Variants in ZFAT observed in about 807,000 individuals in gnomAD.
The protein encoded by ZFAT is zinc finger and AT-hook domain containing.
Under a neutral mutation model 117.7 loss-of-function variants are expected in ZFAT, and 64 were observed. The observed-to-expected ratio is 0.54, with a 90% confidence interval of 0.44 to 0.67. ZFAT has a LOEUF of 0.67. ZFAT is among the 30% of genes least tolerant of loss of function. ZFAT has a pLI of 0.00. For missense variants in ZFAT, 1,433 were observed against 1,584.5 expected (o/e 0.90, Z 1.62); for synonymous variants, 679 against 615.0 (o/e 1.10, Z -1.54).
chr8:134,808,568 A>G, the ZFAT span, among the ~76,000 whole-genome samples: 1 of 152,360 alleles, frequency 6.6e-6, no homozygotes, highest in East Asian at 1.9e-4. Flanking sequence ...CAAGAGTCAC[A>G]GGGAATGGTA....
intron 7 of ZFAT, among the ~76,000 whole-genome samples, chr8:134,590,949 C>A (rs1409586353): frequency 1.3e-5 from 2 of 152,210 alleles, no homozygotes; most frequent in Non-Finnish European, 2.9e-5. Flanking sequence ...CCTGGCGCTG[C>A]ACAGCCTGGG....
At chr8:134,812,016 C>T in the ZFAT span, among the ~76,000 whole-genome samples, 10 of 152,108 alleles carry the variant, frequency 6.6e-5, no homozygotes, top group South Asian at 8.3e-4. Context: ...TCATGGCAGG[C>T]GCCTGTAATC....
chr8:134,730,488 A>G, the ZFAT span, among the ~76,000 whole-genome samples: 1 of 152,144 alleles, frequency 6.6e-6, no homozygotes. Flanking sequence ...CTGGATTCCT[A>G]GGGCAGCACG....
intron 1 of ZFAT, among the ~76,000 whole-genome samples, chr8:134,674,114 G>C (rs1351564113): frequency 1.3e-5 from 2 of 152,152 alleles, no homozygotes; most frequent in Non-Finnish European, 2.9e-5. Flanking sequence ...GTACCCCAGA[G>C]GGCAAGCCAA....
chr8:134,495,230 G>A (rs1490387372), intron 15 of ZFAT, among the ~76,000 whole-genome samples: 1 of 152,166 alleles, frequency 6.6e-6, no homozygotes, highest in Non-Finnish European at 1.5e-5. Context: ...TGAGATCAGG[G>A]AGCCAGCATG....
chr8:134,730,438 T>C, the ZFAT span, among the ~76,000 whole-genome samples: 1 of 152,336 alleles, frequency 6.6e-6, no homozygotes, highest in South Asian at 2.1e-4. Context: ...CTGCCAGAGA[T>C]GAATTTGTCA....
the ZFAT span, among the ~76,000 whole-genome samples, chr8:134,811,144 A>C: frequency 6.6e-6 from 1 of 152,258 alleles, no homozygotes; most frequent in Non-Finnish European, 1.5e-5. Flanking sequence ...AAAAAGAATG[A>C]GTATAAAATT....
the ZFAT span, among the ~76,000 whole-genome samples, chr8:134,820,327 T>C: frequency 6.6e-6 from 1 of 152,194 alleles, no homozygotes; most frequent in Non-Finnish European, 1.5e-5. Context: ...TTATGTAATA[T>C]TACTCTCCTT....
At chr8:134,535,809 T>TA (rs2130591564) in intron 11 of ZFAT, among the ~76,000 whole-genome samples, 1 of 152,250 alleles carries the variant, frequency 6.6e-6, no homozygotes, top group Non-Finnish European at 1.5e-5. Context: ...AAATAAAAGC[T>TA]AAACCATTTT....
the ZFAT span, among the ~76,000 whole-genome samples, chr8:134,774,468 C>T: frequency 2.0e-4 from 31 of 152,294 alleles, no homozygotes; most frequent in South Asian, 4.8e-3. Context: ...AATGATCAAT[C>T]AACAGCCATC....
At chr8:134,827,879 T>G in the ZFAT span, among the ~76,000 whole-genome samples, 1 of 151,958 alleles carries the variant, frequency 6.6e-6, no homozygotes, top group Admixed American at 6.6e-5. Flanking sequence ...AATAGAAAAA[T>G]TAAGTGACAT....
In ZFAT at chr8:134,583,984, G is replaced by A. The variant is rs765416315; in HGVS notation, c.2735C>T (p.Ser912Phe). ...GCTACGAGTTGCATACTCACACAAAGAACACTTGAAGGGCTTCACACCTGC... is the reference window on the plus strand; with the variant it reads ...GCTACGAGTTGCATACTCACACAAAAAACACTTGAAGGGCTTCACACCTGC... ...AHEGVKPFKCSLCEYATRSKS... is the reference protein window; with the variant it reads ...AHEGVKPFKCFLCEYATRSKS... Residue 912 changes from serine (S) to phenylalanine (F), a missense_variant, in exon 10 of 16, where the codon TCT (serine) becomes TTT (phenylalanine). Ser to Phe is a radical substitution (Grantham distance 155). Around this residue, in one of 5 missense-constraint regions of ZFAT, gnomAD observed 503 missense variants for 543.4 expected, o/e 0.93. Transcript: ENST00000377838. 25 of 1,558,254 alleles carry A rather than the reference G, an allele frequency of 1.6e-5. No homozygotes were observed. Among genetic ancestry groups the A allele is most frequent in the Non-Finnish European group, 2.0e-5 (23 of 1,150,092 alleles).
At chr8:134,578,380 C>T (rs536879120) in intron 10 of ZFAT, among the ~76,000 whole-genome samples, 27 of 139,252 alleles carry the variant, frequency 1.9e-4, no homozygotes, top group African/African-American at 5.9e-4. Context: ...CACTGCACTC[C>T]AGCCTGGGCG....
chr8:134,785,230 C>G, the ZFAT span: 1 of 152,158 alleles, frequency 6.6e-6, no homozygotes, highest in South Asian at 2.1e-4. Flanking sequence ...ATTTATTCCC[C>G]CCTTAAGTAG....
the ZFAT span, among the ~76,000 whole-genome samples, chr8:134,728,024 A>T: frequency 6.6e-6 from 1 of 152,218 alleles, no homozygotes; most frequent in African/African-American, 2.4e-5. Flanking sequence ...GACATGCTGT[A>T]CCAGGTACAA....
chr8:134,692,559 T>C (rs535637223), intron 1 of ZFAT, among the ~76,000 whole-genome samples: 4 of 152,196 alleles, frequency 2.6e-5, no homozygotes, highest in Non-Finnish European at 5.9e-5. Flanking sequence ...TTCACTGAAA[T>C]ACGCTCACCT....
the ZFAT span, among the ~76,000 whole-genome samples, chr8:134,811,338 G>A: frequency 3.3e-5 from 5 of 152,118 alleles, no homozygotes; most frequent in Non-Finnish European, 5.9e-5. Flanking sequence ...TCTGATGCAG[G>A]GAACTCAAAA....
Position 134,478,669 on chromosome 8 carries a change from A to G in ZFAT, c.3545T>C (p.Val1182Ala). ...GGCAAGCTCCACGGACGCTTGCTGG[A>G]CCGTCTCCTGGATCATGACCGTGTG... ...SNHTVMIQET[V>A]QQASVELAEQ... Residue 1182 changes from valine to alanine, a missense_variant, in exon 16 of 16, where the codon GTC becomes GCC. Val to Ala is a moderately conservative substitution (Grantham distance 64). This residue lies in a region of ZFAT where 503 missense variants were observed against 543.4 expected (regional missense o/e 0.93). Coordinates refer to ENST00000377838, the MANE Select transcript of ZFAT (RefSeq NM_020863.4). The surrounding 1 kb of genome is among the most constrained non-coding windows in gnomAD (Gnocchi z 5.2). 1 of 1,582,140 alleles carries G rather than the reference A, an allele frequency of 6.3e-7. No individual in the cohort carries two copies. The highest frequency in any genetic ancestry group is 2.3e-5 in the East Asian group (1 of 42,852).
At chr8:134,678,730 C>G (rs1326861363) in intron 1 of ZFAT, among the ~76,000 whole-genome samples, 1 of 152,022 alleles carries the variant, frequency 6.6e-6, no homozygotes, top group Non-Finnish European at 1.5e-5. Flanking sequence ...GTTACTGGTA[C>G]CAAAACAGAT....
Sources: gnomAD v4.1 joint callset for allele counts (sites outside exome capture counted in the v4.1 genomes callset) on GRCh38, gnomAD v4.1.1 for gene constraint, gnomAD v4.1.1 regional missense constraint, Gnocchi (gnomAD v3.1) non-coding constraint, MANE v1.5 for transcripts, NCBI Gene and HGNC (gene_info 2026-07-23, HGNC 2026-07-21) for gene names.